Variants in PARM1 observed in about 807,000 individuals in gnomAD.
The protein encoded by PARM1 is prostate androgen-regulated mucin-like protein 1.
PARM1 carries 14 observed loss-of-function variants against 24.6 expected under a neutral mutation model. The ratio of observed to expected loss-of-function variants is 0.57; its 90% CI spans 0.38 to 0.89. PARM1 has a LOEUF of 0.89. Ranked by LOEUF, PARM1 falls within the 40% of genes least tolerant of loss-of-function variation. PARM1 has a pLI of 0.00. For synonymous variants in PARM1, 179 were observed against 156.6 expected, an observed-to-expected ratio of 1.14 and a Z score of -1.07; for missense variants, 362 against 380.4, an observed-to-expected ratio of 0.95 and a Z score of 0.40.
chr4:75,000,577 T>A (rs1161697617), intron 1 of PARM1, among the ~76,000 whole-genome samples: 1 of 152,166 alleles, frequency 6.6e-6, no homozygotes, highest in Non-Finnish European at 1.5e-5. Flanking sequence ...CCAAGAGAGT[T>A]CCCTTTCTTA....
chr4:74,955,087 T>C (rs897900368), intron 1 of PARM1, among the ~76,000 whole-genome samples: 13 of 152,328 alleles, frequency 8.5e-5, no homozygotes, highest in Admixed American at 7.2e-4. Flanking sequence ...AAAATATAAA[T>C]TCCATTTATA....
At chr4:74,936,449 G>GTTTT (rs1417414604) in intron 1 of PARM1, among the ~76,000 whole-genome samples, 1 of 143,904 alleles carries the variant, frequency 6.9e-6, no homozygotes, top group Non-Finnish European at 1.5e-5. Context: ...TTTTTTTTTT[G>GTTTT]TTTGTTTTTT....
At chr4:74,979,291 T>A (rs1332098343) in intron 1 of PARM1, among the ~76,000 whole-genome samples, 1 of 152,060 alleles carries the variant, frequency 6.6e-6, no homozygotes, top group Non-Finnish European at 1.5e-5. Context: ...ATATCGCCAC[T>A]GACCCAACAG....
Position 74,989,308 on chromosome 4 carries a change from C to G in PARM1, c.44-23117C>G, listed in dbSNP as rs370192106. Among the ~76,000 whole-genome samples, 509 of 152,318 alleles carry G rather than the reference C, an allele frequency of 3.3e-3. 6 individuals carry two copies. The highest frequency in any genetic ancestry group is 0.011 in the African/African-American group (474 of 41,582). The stretch of plus-strand genomic sequence containing the variant: ...AGGAACTAAGTTGCTATTTATACTT[C>G]TGACCCACTGGCTATAAATCAAGAT... On this transcript the variant is annotated intron_variant, in intron 1 of 3. Transcript: ENST00000307428.
chr4:75,024,042 C>G (rs892887213), intron 2 of PARM1, among the ~76,000 whole-genome samples: 1 of 152,082 alleles, frequency 6.6e-6, no homozygotes, highest in South Asian at 2.1e-4. Flanking sequence ...GAGGCCGAGA[C>G]GGGCAGATCA....
intron 3 of PARM1, among the ~76,000 whole-genome samples, chr4:75,045,437 G>A (rs530333648): frequency 6.6e-6 from 1 of 152,328 alleles, no homozygotes; most frequent in South Asian, 2.1e-4. Flanking sequence ...TATTAATTAT[G>A]CAAGAGGGTC....
chr4:74,984,696 C>A (rs569582823), intron 1 of PARM1, among the ~76,000 whole-genome samples: 1 of 152,142 alleles, frequency 6.6e-6, no homozygotes, highest in Non-Finnish European at 1.5e-5. Context: ...ATTAACATAG[C>A]GTAGACTGTT....
chr4:75,020,363 A>G (rs1157706559), intron 2 of PARM1, among the ~76,000 whole-genome samples: 1 of 151,858 alleles, frequency 6.6e-6, no homozygotes, highest in Non-Finnish European at 1.5e-5. Flanking sequence ...CCCACTCCCT[A>G]ACTCCCCTCT....
At chr4:74,961,243 T>C (rs971784088) in intron 1 of PARM1, among the ~76,000 whole-genome samples, 1 of 151,862 alleles carries the variant, frequency 6.6e-6, no homozygotes, top group African/African-American at 2.4e-5. Flanking sequence ...ACAATGGAAA[T>C]TGTCAATTCT....
chr4:74,956,387 G>C (rs1721634425), intron 1 of PARM1: 1 of 152,316 alleles, frequency 6.6e-6, no homozygotes, highest in African/African-American at 2.4e-5. Context: ...AGAGGGAACT[G>C]TCTGCAAAAT....
intron 1 of PARM1, among the ~76,000 whole-genome samples, chr4:74,991,692 T>C (rs571201221): frequency 2.2e-3 from 338 of 152,288 alleles, no homozygotes; most frequent in Non-Finnish European, 3.9e-3. Flanking sequence ...AGAACCCTTG[T>C]AATACATGGG....
At position 75,047,966 on chromosome 4, in the gene PARM1, A is replaced by G. The variant is rs1307769329; in HGVS notation, c.*1719A>G. 3 of 152,216 alleles carry G rather than the reference A, an allele frequency of 2.0e-5. No individual in the cohort carries two copies. Among genetic ancestry groups the G allele is most frequent in the Non-Finnish European group, 4.4e-5 (3 of 68,042 alleles). The allele number at this position is 152,216 out of a possible 1,614,324, so 9.4% of individuals were successfully genotyped here. On this transcript the variant is annotated 3_prime_UTR_variant, in exon 4 of 4. Coordinates refer to ENST00000307428, the MANE Select transcript of PARM1 (RefSeq NM_015393.4). The stretch of plus-strand genomic sequence containing the variant: ...CTTATGTCCTGATTTCATATAGTAG[A>G]AAACAAACATTGGGTCCGACTTCAA...
intron 1 of PARM1, among the ~76,000 whole-genome samples, chr4:74,994,799 T>TATAA (rs3062355): frequency 0.33 from 48,026 of 144,950 alleles, 8,714 homozygotes; most frequent in Non-Finnish European, 0.41. Flanking sequence ...TCTCAAAAAA[T>TATAA]ATAAATAAAT....
intron 1 of PARM1, among the ~76,000 whole-genome samples, chr4:74,968,806 CT>C (rs1721964300): frequency 6.6e-6 from 1 of 152,122 alleles, no homozygotes. Context: ...ATGAAACTTC[CT>C]TGAACAGAAT....
chr4:74,938,032 T>C (rs1159512485), intron 1 of PARM1, among the ~76,000 whole-genome samples: 3 of 152,116 alleles, frequency 2.0e-5, no homozygotes, highest in African/African-American at 7.2e-5. Flanking sequence ...AAAGGTCAGG[T>C]CCCCAGAGCT....
chr4:75,021,805 C>A (rs1048070937), intron 2 of PARM1, among the ~76,000 whole-genome samples: 1 of 151,754 alleles, frequency 6.6e-6, no homozygotes, highest in Non-Finnish European at 1.5e-5. Flanking sequence ...CCTTTTATGG[C>A]TGAATAGTAT....
chr4:74,976,081 A>G (rs2109768641), intron 1 of PARM1, among the ~76,000 whole-genome samples: 1 of 152,282 alleles, frequency 6.6e-6, no homozygotes, highest in East Asian at 1.9e-4. Context: ...TCTGTGGATC[A>G]GGAGATCCCC....
At chr4:74,954,569 A>C (rs1721595518) in intron 1 of PARM1, among the ~76,000 whole-genome samples, 2 of 152,174 alleles carry the variant, frequency 1.3e-5, no homozygotes, top group Admixed American at 6.5e-5. Flanking sequence ...CTTGCTGTAC[A>C]CTCAGTGATT....
At chr4:75,034,586 CTG>C (rs1297521442) in intron 3 of PARM1, among the ~76,000 whole-genome samples, 3 of 152,200 alleles carry the variant, frequency 2.0e-5, no homozygotes, top group African/African-American at 4.8e-5. Flanking sequence ...TTGCAATACT[CTG>C]TGAGTCCTCC....
Sources: gnomAD v4.1 joint callset for allele counts (sites outside exome capture counted in the v4.1 genomes callset) on GRCh38, gnomAD v4.1.1 for gene constraint, MANE v1.5 for transcripts, NCBI Gene and HGNC (gene_info 2026-07-23, HGNC 2026-07-21) for gene names.